Variants in ZBTB8B observed in about 807,000 individuals in gnomAD.
ZBTB8B encodes the protein zinc finger and BTB domain-containing protein 8B.
Under a neutral mutation model 30.3 loss-of-function variants are expected in ZBTB8B, and 17 were observed. That is an observed-to-expected ratio of 0.56 (90% CI 0.38 to 0.84). The LOEUF is 0.84. Among genes scored for constraint, ZBTB8B ranks in the 40% least tolerant of loss-of-function variants. The pLI is 0.00. For synonymous variants in ZBTB8B, 248 were observed against 255.6 expected, an observed-to-expected ratio of 0.97 and a Z score of 0.28; for missense variants, 515 against 644.9, an observed-to-expected ratio of 0.80 and a Z score of 2.18.
chr1:32,474,343 C>CAAAAAAAAAAA lies in ZBTB8B; in HGVS notation c.991+2757_991+2767dup, dbSNP rs57001984. 1.1e-3 allele frequency among the ~76,000 whole-genome samples: 45 copies of CAAAAAAAAAAA among 39,172 alleles called. 2 individuals carry two copies. The highest frequency in any genetic ancestry group is 1.4e-3 in the Non-Finnish European group (30 of 21,728). The allele number at this position is 39,172 out of a possible 152,430, so 25.7% of individuals were successfully genotyped here. Reference sequence around the variant, plus strand: ...GCAAGATGGCAAAACCCCATCTCTACAAAAAAAAAAAAAAAAAAAAAAAAA... The same window carrying CAAAAAAAAAAA: ...GCAAGATGGCAAAACCCCATCTCTACAAAAAAAAAAAAAAAAAAAAAAAAAAAAAAAAAAAA... On this transcript the variant is annotated intron_variant, in intron 2 of 3. Transcript: ENST00000609129.
rs1394116544 is a variant in ZBTB8B, at chr1:32,470,523, A to AG, written c.-41-61_-41-60insG. 4 of 1,173,974 alleles carry AG rather than the reference A, an allele frequency of 3.4e-6. No individual in the cohort carries two copies. The South Asian group carries it at 5.4e-5, about 16-fold the overall frequency. The allele number at this position is 1,173,974 out of a possible 1,614,324, so 72.7% of individuals were successfully genotyped here. ...TCAAAAAAAAAAAAAAAAAAAAAAA[A>AG]AAAGAAATCTTGTTTGTAAAGGTTG... On this transcript the variant is annotated intron_variant, in intron 1 of 3. Coordinates refer to ENST00000609129, the MANE Select transcript of ZBTB8B (RefSeq NM_001145720.2).
At position 32,484,513 on chromosome 1, in the gene ZBTB8B, G is replaced by A. The variant is rs186618982; in HGVS notation, c.1171-588G>A. Among the ~76,000 whole-genome samples, 2 of 152,234 alleles carry A rather than the reference G, an allele frequency of 1.3e-5. No individual in the cohort carries two copies. The highest frequency in any genetic ancestry group is 1.9e-4 in the East Asian group (1 of 5,178). ...TGTCCCACATGTGTCCGGTGGCTCC[G>A]GGGTAGAAAGAACCTTGGTAAGATG... is the stretch of plus-strand genomic sequence containing the variant. On this transcript the variant is annotated intron_variant, in intron 3 of 3. Transcript: ENST00000609129. This position sits in a 1 kb window ranked among gnomAD's most constrained non-coding sequence, Gnocchi z 4.5.
rs552375368 is a variant in ZBTB8B at position 32,475,605 on chromosome 1, G to C, written c.991+3990G>C. 1.1e-4 allele frequency among the ~76,000 whole-genome samples: 16 copies of C among 152,016 alleles called. No homozygotes were observed. In the South Asian group the frequency reaches 3.3e-3, roughly 32 times the overall value. On this transcript the variant is annotated intron_variant, in intron 2 of 3. Coordinates refer to ENST00000609129, the MANE Select transcript of ZBTB8B (RefSeq NM_001145720.2). ...TCTCAAAAAACAAAACAAAACAAAA[G>C]ACACAAATGTAAATGACGTCACATG...
In ZBTB8B at chr1:32,485,217, C is replaced by T. The variant is rs1314081126; in HGVS notation, c.1287C>T (p.Asp429=). The change falls in exon 4 of 4, where the codon GAC becomes GAT. Residue 429 remains aspartate, a synonymous_variant. Transcript: ENST00000609129. ...GTGACAGCTGCACCTGCGTTACAGA[C>T]ACACCCGATGATGATGATGATTTGA... ...GLCDSCTCVT[D]TPDDDDDLMP... 9 of 1,551,862 alleles carry T rather than the reference C, an allele frequency of 5.8e-6. No homozygotes were observed. The Admixed American group carries it at 1.6e-4, about 27-fold the overall frequency.
At chr1:32,472,640 G>T (rs1324103405) in intron 2 of ZBTB8B, among the ~76,000 whole-genome samples, 4 of 151,810 alleles carry the variant, frequency 2.6e-5, no homozygotes, top group Admixed American at 1.3e-4. Flanking sequence ...TTGAGACAGG[G>T]TCTCGCTCTG....
intron 2 of ZBTB8B, 133 bp downstream of exon 2, chr1:32,471,748 C>A: frequency 1.0e-6 from 1 of 994,144 alleles, no homozygotes. Flanking sequence ...CCATCATCAC[C>A]AGTACCATCA....
At chr1:32,479,529 TAAA>T (rs1250096372) in intron 2 of ZBTB8B, among the ~76,000 whole-genome samples, 2 of 151,410 alleles carry the variant, frequency 1.3e-5, no homozygotes, top group African/African-American at 4.9e-5. Flanking sequence ...TCTCAAAAAA[TAAA>T]AAAATAAAAA....
chr1:32,483,244 CA>C (rs59559091), intron 3 of ZBTB8B, among the ~76,000 whole-genome samples: 21,360 of 56,082 alleles, frequency 0.38, 7,036 homozygotes, highest in Non-Finnish European at 0.42. Context: ...ACTAAAAATC[CA>C]AAAAAAAAAA....
Position 32,471,139 on chromosome 1 carries a change from C to T in ZBTB8B, c.515C>T (p.Thr172Ile), listed in dbSNP as rs957251459. 2 of 1,551,562 alleles carry T rather than the reference C, an allele frequency of 1.3e-6. No individual in the cohort carries two copies. The highest frequency in any genetic ancestry group is 2.7e-5 in the African/African-American group (2 of 73,040). ...SSGREGTSCG[T>I]KSLVSSPAEG... ...GGCCGGGAGGGGACCTCCTGTGGTA[C>T]CAAGAGCTTGGTCTCCTCTCCAGCC... Residue 172 changes from threonine (T) to isoleucine (I), a missense_variant, in exon 2 of 4, where the codon ACC (threonine) becomes ATC (isoleucine). Coordinates refer to ENST00000609129, the MANE Select transcript of ZBTB8B (RefSeq NM_001145720.2).
chr1:32,486,725 C>T lies in ZBTB8B; in HGVS notation c.*1307C>T. On this transcript the variant is annotated 3_prime_UTR_variant, in exon 4 of 4. Transcript: ENST00000609129. The stretch of plus-strand genomic sequence containing the variant: ...CACCACCGCCCTGTTTTAGCTAGTC[C>T]TCAATTTGGTCCATGTCCGAGTCCG... 6.6e-6 allele frequency: 1 copy of T among 152,180 alleles called. No individual in the cohort carries two copies. The highest frequency in any genetic ancestry group is 1.9e-4 in the East Asian group (1 of 5,190). 9.4% of individuals were successfully genotyped at this position (152,180 alleles called of 1,614,324 possible).
chr1:32,481,710 G>T (rs1002361735), intron 3 of ZBTB8B, among the ~76,000 whole-genome samples: 2 of 152,120 alleles, frequency 1.3e-5, no homozygotes, highest in Non-Finnish European at 2.9e-5. Flanking sequence ...GGGGTTTGTT[G>T]TACAGATTAT....
intron 1 of ZBTB8B, among the ~76,000 whole-genome samples, chr1:32,466,215 T>G (rs1643569286): frequency 1.3e-5 from 2 of 152,110 alleles, no homozygotes; most frequent in Admixed American, 1.3e-4. Flanking sequence ...AAGGCTGCTT[T>G]TGGCCTCTGA....
In ZBTB8B at chr1:32,492,876, G is replaced by A. The variant is rs1318143876; in HGVS notation, c.*7458G>A. On this transcript the variant is annotated 3_prime_UTR_variant, in exon 4 of 4. Coordinates refer to ENST00000609129, the MANE Select transcript of ZBTB8B (RefSeq NM_001145720.2). ...AACAGGGACAAGCACAGGGTACTCTGAGAACGCGTGGGTCGGGTACCTAGC... is the reference window on the plus strand; with the variant it reads ...AACAGGGACAAGCACAGGGTACTCTAAGAACGCGTGGGTCGGGTACCTAGC... The A allele has an allele frequency of 1.3e-5, 2 of 152,138 alleles. No homozygotes were observed. The highest frequency in any genetic ancestry group is 4.1e-4 in the South Asian group (2 of 4,820). The allele number at this position is 152,138 out of a possible 1,614,324, so 9.4% of individuals were successfully genotyped here.
In ZBTB8B at chr1:32,491,294, G is replaced by C. The variant is rs936387373; in HGVS notation, c.*5876G>C. On this transcript the variant is annotated 3_prime_UTR_variant, in exon 4 of 4. Coordinates refer to ENST00000609129, the MANE Select transcript of ZBTB8B (RefSeq NM_001145720.2). ...TGGAAGTAGAAAAACATACCAAACA[G>C]TTTCACATCTTTTACCATCCATAGC... 3.3e-5 allele frequency: 5 copies of C among 152,198 alleles called. No homozygotes were observed. The highest frequency in any genetic ancestry group is 7.3e-5 in the Non-Finnish European group (5 of 68,042). 9.4% of individuals were successfully genotyped at this position (152,198 alleles called of 1,614,324 possible). A position where few individuals can be genotyped will look rare whatever the true frequency, so the allele number is the denominator to read the frequency against.
intron 1 of ZBTB8B, among the ~76,000 whole-genome samples, chr1:32,469,609 T>C (rs1643600551): frequency 6.6e-6 from 1 of 152,170 alleles, no homozygotes; most frequent in Non-Finnish European, 1.5e-5. Context: ...TTGAAGAAAG[T>C]AGAATGTAGT....
At chr1:32,466,061 A>T (rs1442887371) in intron 1 of ZBTB8B, among the ~76,000 whole-genome samples, 1 of 152,224 alleles carries the variant, frequency 6.6e-6, no homozygotes, top group Non-Finnish European at 1.5e-5. Flanking sequence ...TAATTTAAAA[A>T]GTAAAATGAA....
rs1157357085 is a variant in ZBTB8B, at chr1:32,465,794, G to A, written c.-42+689G>A. On this transcript the variant is annotated intron_variant, in intron 1 of 3. Coordinates refer to ENST00000609129, the MANE Select transcript of ZBTB8B (RefSeq NM_001145720.2). The surrounding 1 kb of genome is among the most constrained non-coding windows in gnomAD (Gnocchi z 4.1). ...TCTGTTCTATTACTAACTTGGTGAT[G>A]TTATCTGCATCTTTGAATCTCAGTT... 2.0e-5 allele frequency among the ~76,000 whole-genome samples: 3 copies of A among 152,184 alleles called. No individual in the cohort carries two copies. Among genetic ancestry groups the A allele is most frequent in the Non-Finnish European group, 4.4e-5 (3 of 68,036 alleles).
rs1240213067 is a variant in ZBTB8B, at chr1:32,492,887, G to A, written c.*7469G>A. 2 of 152,014 alleles carry A rather than the reference G, an allele frequency of 1.3e-5. No homozygotes were observed. The highest frequency in any genetic ancestry group is 6.6e-5 in the Admixed American group (1 of 15,264). The allele number at this position is 152,014 out of a possible 1,614,324, so 9.4% of individuals were successfully genotyped here. On this transcript the variant is annotated 3_prime_UTR_variant, in exon 4 of 4. Coordinates refer to ENST00000609129, the MANE Select transcript of ZBTB8B (RefSeq NM_001145720.2). Reference sequence around the variant, plus strand: ...GCACAGGGTACTCTGAGAACGCGTGGGTCGGGTACCTAGCCAGTCATAGAG... The same window carrying A: ...GCACAGGGTACTCTGAGAACGCGTGAGTCGGGTACCTAGCCAGTCATAGAG...
intron 2 of ZBTB8B, among the ~76,000 whole-genome samples, chr1:32,476,845 T>A (rs1643668137): frequency 6.6e-6 from 1 of 151,786 alleles, no homozygotes; most frequent in African/African-American, 2.4e-5. Flanking sequence ...TTTCTCAGCA[T>A]GTTAGCTCCA....
Sources: allele counts gnomAD v4.1 joint callset (sites outside exome capture counted in the v4.1 genomes callset), GRCh38; gene constraint gnomAD v4.1.1; non-coding constraint Gnocchi (gnomAD v3.1); transcripts MANE v1.5; gene names NCBI Gene and HGNC (gene_info 2026-07-23, HGNC 2026-07-21).